KIF13B: variants seen among roughly 807,000 people sequenced by gnomAD.
The protein encoded by KIF13B is kinesin family member 13B.
A neutral mutation model predicts 222.0 loss-of-function variants in KIF13B; 127 were observed. That is an observed-to-expected ratio of 0.57 (90% confidence interval 0.50 to 0.66). The LOEUF (loss-of-function observed/expected upper bound fraction) is 0.66. Among genes scored for constraint, KIF13B ranks in the 30% least tolerant of loss-of-function variants. KIF13B has a pLI of 0.00. For synonymous variants in KIF13B, 976 were observed against 919.0 expected (o/e 1.06, Z -1.12); for missense variants, 2,173 against 2,379.0 (o/e 0.91, Z 1.80).
chr8:29,087,959 T>C (rs1233167648), intron 37 of KIF13B, among the ~76,000 whole-genome samples: 3 of 151,956 alleles, frequency 2.0e-5, no homozygotes, highest in African/African-American at 4.8e-5. Context: ...CAAATATGTA[T>C]ATAAGAAGAT....
intron 2 of KIF13B, among the ~76,000 whole-genome samples, chr8:29,234,933 C>T (rs1815441462): frequency 6.6e-6 from 1 of 152,124 alleles, no homozygotes; most frequent in African/African-American, 2.4e-5. Context: ...GAATCTGAAT[C>T]TTTATACAAA....
intron 23 of KIF13B, among the ~76,000 whole-genome samples, chr8:29,131,324 A>G (rs1810334287): frequency 6.6e-6 from 1 of 151,518 alleles, no homozygotes; most frequent in African/African-American, 2.4e-5. Context: ...AATCTAAAAT[A>G]ATTTGAAACT....
At chr8:29,179,158 C>T (rs538330634) in intron 8 of KIF13B, among the ~76,000 whole-genome samples, 2 of 151,166 alleles carry the variant, frequency 1.3e-5, no homozygotes, top group African/African-American at 4.9e-5. Flanking sequence ...GAGTCTTGCT[C>T]TGTTGCCCAG....
intron 2 of KIF13B, among the ~76,000 whole-genome samples, chr8:29,229,541 A>G (rs1815192596): frequency 6.6e-6 from 1 of 152,266 alleles, no homozygotes; most frequent in South Asian, 2.1e-4. Flanking sequence ...GCTGGTTGTC[A>G]TCAATGAGAA....
At chr8:29,104,252 C>A (rs994282276) in intron 35 of KIF13B, among the ~76,000 whole-genome samples, 1 of 152,032 alleles carries the variant, frequency 6.6e-6, no homozygotes, top group Non-Finnish European at 1.5e-5. Context: ...GAAAATGGAA[C>A]TGAATCATTT....
intron 1 of KIF13B, among the ~76,000 whole-genome samples, chr8:29,247,725 T>C (rs1196508607): frequency 2.0e-5 from 3 of 148,408 alleles, no homozygotes; most frequent in Non-Finnish European, 4.4e-5. Context: ...TCCCAGCTAC[T>C]CAGAAGGTTG....
chr8:29,230,153 G>A (rs1333554025), intron 2 of KIF13B, among the ~76,000 whole-genome samples: 1 of 152,052 alleles, frequency 6.6e-6, no homozygotes, highest in Admixed American at 6.6e-5. Flanking sequence ...TCATAGAAAA[G>A]GAAACAGAGG....
At chr8:29,261,031 C>T (rs1400448780) in intron 1 of KIF13B, among the ~76,000 whole-genome samples, 1 of 152,106 alleles carries the variant, frequency 6.6e-6, no homozygotes, top group African/African-American at 2.4e-5. Context: ...ACAATTACTT[C>T]ATAACAAAAA....
chr8:29,110,046 C>T lies in KIF13B; in HGVS notation c.3955G>A (p.Glu1319Lys). The T allele has an allele frequency of 1.3e-6, 2 of 1,567,312 alleles. No individual in the cohort carries two copies. Among genetic ancestry groups the T allele is most frequent in the Non-Finnish European group, 1.7e-6 (2 of 1,155,548 alleles). The part of the protein sequence containing the change: ...PEDAQGVEER[E>K]ALARMAANVE... Reference sequence around the variant, plus strand: ...TTGGCTGCCATTCTTGCTAATGCTTCCCGTTCTTCCACTCCCTGGGCATCC... The same window carrying T: ...TTGGCTGCCATTCTTGCTAATGCTTTCCGTTCTTCCACTCCCTGGGCATCC... Residue 1319 changes from glutamate (E) to lysine (K), a missense_variant, in exon 33 of 40, where the codon GAA becomes AAA. This residue lies in a region of KIF13B where 1,480 missense variants were observed against 1,722.8 expected (regional missense o/e 0.86). Transcript: ENST00000524189.
intron 1 of KIF13B, among the ~76,000 whole-genome samples, chr8:29,258,663 C>T (rs1277386675): frequency 2.0e-5 from 3 of 152,140 alleles, no homozygotes; most frequent in Non-Finnish European, 4.4e-5. Context: ...GGCCATACTT[C>T]CTCCTCAAAG....
intron 2 of KIF13B, among the ~76,000 whole-genome samples, chr8:29,209,921 A>G (rs1181638830): frequency 6.7e-6 from 1 of 149,716 alleles, no homozygotes; most frequent in Non-Finnish European, 1.5e-5. Flanking sequence ...GGGTGTGGTG[A>G]TGCACACGTC....
At chr8:29,117,040 C>G in intron 30 of KIF13B, 33 bp from the exon 31 acceptor site, 1 of 1,518,500 alleles carries the variant, frequency 6.6e-7, no homozygotes, top group Non-Finnish European at 8.9e-7. Context: ...ACAGGTTTCT[C>G]TCTTCTCCAG....
chr8:29,143,904 T>TC lies in KIF13B; in HGVS notation c.2188-1602dup, dbSNP rs1301594463. On this transcript the variant is annotated intron_variant, in intron 18 of 39. Coordinates refer to ENST00000524189, the MANE Select transcript of KIF13B (RefSeq NM_015254.4). ...TGTTCTATTATGCAAGTATCACACC[T>TC]CCCCCCCAAAAAAAGTATGCTCTGA... is the stretch of plus-strand genomic sequence containing the variant. Among the ~76,000 whole-genome samples, 16 of 150,868 alleles carry TC rather than the reference T, an allele frequency of 1.1e-4. No individual in the cohort carries two copies. In the East Asian group the frequency reaches 2.3e-3, roughly 22 times the overall value.
In KIF13B at chr8:29,122,640, T is replaced by A. The variant is rs764585361; in HGVS notation, c.3486A>T (p.Pro1162=). 1 of 1,607,902 alleles carries A rather than the reference T, an allele frequency of 6.2e-7. No homozygotes were observed. Among genetic ancestry groups the A allele is most frequent in the East Asian group, 2.2e-5 (1 of 44,798 alleles). Residue 1162 remains proline, a synonymous_variant, in exon 29 of 40, where the codon CCA becomes CCT. Coordinates refer to ENST00000524189, the MANE Select transcript of KIF13B (RefSeq NM_015254.4). ...GIPGAPAEWT[P]VPGMETHIPV... ...GAATGTGTGTCTCCATCCCAGGTACTGGGGTCCTAAAACGGGAAGAACAAA... is the reference window on the plus strand; with the variant it reads ...GAATGTGTGTCTCCATCCCAGGTACAGGGGTCCTAAAACGGGAAGAACAAA...
Position 29,188,521 on chromosome 8 carries a change from G to T in KIF13B, c.310C>A (p.Gln104Lys). Residue 104 changes from glutamine to lysine, a missense_variant, in exon 5 of 40, where the codon CAG becomes AAG. Around this residue, in one of 2 missense-constraint regions of KIF13B, gnomAD observed 1,480 missense variants for 1,722.8 expected, o/e 0.86. Coordinates refer to ENST00000524189, the MANE Select transcript of KIF13B (RefSeq NM_015254.4). ...TCATGTTATTTAACATTACCAGTCT[G>T]TCCATAGGCAAAGATACATGCATTG... ...GYNACIFAYG[Q>K]TGSGKSYTMM... is the part of the protein sequence containing the mutation. 1 of 1,589,710 alleles carries T rather than the reference G, an allele frequency of 6.3e-7. No homozygotes were observed. Among genetic ancestry groups the T allele is most frequent in the Non-Finnish European group, 8.6e-7 (1 of 1,158,938 alleles).
intron 2 of KIF13B, among the ~76,000 whole-genome samples, 200 bp downstream of exon 2, chr8:29,245,146 C>T (rs189082389): frequency 8.5e-5 from 13 of 152,316 alleles, no homozygotes; most frequent in South Asian, 2.1e-4. Flanking sequence ...ACAATTACTA[C>T]CTCTAATACT....
In KIF13B at chr8:29,148,594, T is replaced by TA; in HGVS notation, c.1795_1796insT (p.Lys599IlefsTer7). ...TTGCTCACCATTGCTGCCCAGGGCC[T>TA]TCATGGTGACCTCCATCTGTGCGTA... On this transcript the variant is annotated frameshift_variant, in exon 16 of 40. Transcript: ENST00000524189. LOFTEE classifies it high-confidence loss of function. 1.2e-6 allele frequency: 2 copies of TA among 1,607,812 alleles called. No individual in the cohort carries two copies. The highest frequency in any genetic ancestry group is 1.7e-6 in the Non-Finnish European group (2 of 1,176,882).
At chr8:29,088,198 A>C (rs1586758765) in intron 37 of KIF13B, among the ~76,000 whole-genome samples, 1 of 152,076 alleles carries the variant, frequency 6.6e-6, no homozygotes, top group Non-Finnish European at 1.5e-5. Context: ...CCTGAGAAGC[A>C]GAGGTTGCAG....
intron 14 of KIF13B, among the ~76,000 whole-genome samples, chr8:29,150,643 T>C (rs1460587772): frequency 6.6e-6 from 1 of 152,238 alleles, no homozygotes; most frequent in East Asian, 1.9e-4. Flanking sequence ...TTACAAACGC[T>C]ATCCTATGTT....
Sources: gnomAD v4.1 joint callset for allele counts (sites outside exome capture counted in the v4.1 genomes callset) on GRCh38, gnomAD v4.1.1 for gene constraint, gnomAD v4.1.1 regional missense constraint, MANE v1.5 for transcripts, NCBI Gene and HGNC (gene_info 2026-07-23, HGNC 2026-07-21) for gene names.